Variants in JARID2 observed in about 807,000 individuals in gnomAD.
JARID2 encodes protein Jumonji.
In JARID2, 21 loss-of-function variants were observed where a neutral mutation model predicts 125.6. The observed-to-expected ratio is 0.17, with a 90% CI of 0.12 to 0.24. The LOEUF (loss-of-function observed/expected upper bound fraction) is 0.24. JARID2 is among the 10% of genes least tolerant of loss of function. The pLI, the probability that JARID2 is intolerant of heterozygous loss-of-function variation, is 1.00. For synonymous variants in JARID2, 736 were observed against 661.6 expected (o/e 1.11, Z -1.73); for missense variants, 1,303 against 1,639.6 (o/e 0.79, Z 3.55).
chr6:15,338,146 A>T (rs536067423), intron 1 of JARID2, among the ~76,000 whole-genome samples: 4 of 152,296 alleles, frequency 2.6e-5, no homozygotes, highest in Admixed American at 2.0e-4. Context: ...CTGCAGTGGT[A>T]CCTATGGCTG....
At chr6:15,292,969 G>A (rs1408133664) in intron 1 of JARID2, among the ~76,000 whole-genome samples, 2 of 152,178 alleles carry the variant, frequency 1.3e-5, no homozygotes, top group Non-Finnish European at 2.9e-5. Context: ...ACCATGCCCA[G>A]CCTAAGTTGT....
At chr6:15,400,172 C>T (rs924617598) in intron 2 of JARID2, among the ~76,000 whole-genome samples, 3 of 151,916 alleles carry the variant, frequency 2.0e-5, no homozygotes, top group Non-Finnish European at 2.9e-5. Context: ...TTATGTGCCT[C>T]GGGGAGGGGC....
rs183236794 is a variant in JARID2 at position 15,504,575 on chromosome 6, G to A, written c.2524G>A (p.Ala842Thr). Residue 842 changes from alanine to threonine, a missense_variant, in exon 9 of 18, where the codon GCC (alanine) becomes ACC (threonine). This residue lies in a region of JARID2 where 29 missense variants were observed against 47.7 expected (regional missense o/e 0.61). Coordinates refer to ENST00000341776, the MANE Select transcript of JARID2 (RefSeq NM_004973.4). The stretch of plus-strand genomic sequence containing the variant: ...GAGCATGTGTTTCAGCAAGGAGCCT[G>A]CCCCAGCCGAAATCGAGGTGAGAGA... ...IMSMCFSKEP[A>T]PAEIEQEYWR... 1.1e-5 allele frequency: 18 copies of A among 1,613,716 alleles called. No homozygotes were observed. The Admixed American group carries it at 3.0e-4, about 27-fold the overall frequency.
chr6:15,400,793 C>T lies in JARID2; in HGVS notation c.182-9431C>T, dbSNP rs1007646444. ...CCCTCGGCCCCATTGCTGTTCTGGC[C>T]GTCCTATTGCCGCGCGGAATCTGCA... On this transcript the variant is annotated intron_variant, in intron 2 of 17. Transcript: ENST00000341776. 12 of 985,148 alleles carry T rather than the reference C, an allele frequency of 1.2e-5. No homozygotes were observed. The Admixed American group carries it at 2.5e-4, about 20-fold the overall frequency. The allele number at this position is 985,148 out of a possible 1,614,324, so 61.0% of individuals were successfully genotyped here.
intron 1 of JARID2, among the ~76,000 whole-genome samples, chr6:15,306,070 G>A (rs1434321724): frequency 3.3e-5 from 5 of 152,248 alleles, no homozygotes; most frequent in African/African-American, 1.2e-4. Context: ...ATTTTTAGAA[G>A]CTCTACCAGC....
chr6:15,430,462 A>C (rs1019992435), intron 3 of JARID2, among the ~76,000 whole-genome samples: 4 of 152,232 alleles, frequency 2.6e-5, no homozygotes, highest in African/African-American at 9.6e-5. Context: ...GTGGTTGCCA[A>C]TTATATGTTG....
chr6:15,386,702 T>C (rs1764802321), intron 2 of JARID2, among the ~76,000 whole-genome samples: 1 of 152,248 alleles, frequency 6.6e-6, no homozygotes, highest in Non-Finnish European at 1.5e-5. Flanking sequence ...GTTATGCTTA[T>C]CGATGGGTTT....
rs79923817 is a variant in JARID2, at chr6:15,492,306, C to T, written c.907-3826C>T. Among the ~76,000 whole-genome samples the T allele has an allele frequency of 1.6e-3, 239 of 152,324 alleles. No homozygotes were observed. In the Middle Eastern group the frequency reaches 0.024, roughly 15 times the overall value. ...CAATGGAGGGTCCTGCTGTAGCCCA[C>T]GTCGGCGCTAATTCTTCAGTGAGTT... On this transcript the variant is annotated intron_variant, in intron 6 of 17. Coordinates refer to ENST00000341776, the MANE Select transcript of JARID2 (RefSeq NM_004973.4).
intron 4 of JARID2, among the ~76,000 whole-genome samples, chr6:15,457,459 G>T (rs557091536): frequency 3.9e-5 from 6 of 152,244 alleles, no homozygotes; most frequent in Admixed American, 6.5e-5. Flanking sequence ...CATCACCCTT[G>T]GGTGACAGCG....
At chr6:15,488,375 T>C (rs1303877838) in intron 6 of JARID2, among the ~76,000 whole-genome samples, 1 of 152,242 alleles carries the variant, frequency 6.6e-6, no homozygotes, top group East Asian at 1.9e-4. Context: ...TGATGCCTCG[T>C]GCTCCTGTTC....
chr6:15,277,114 A>T (rs1411913355), intron 1 of JARID2, among the ~76,000 whole-genome samples: 1 of 152,192 alleles, frequency 6.6e-6, no homozygotes, highest in Non-Finnish European at 1.5e-5. Flanking sequence ...GTTAAGTAAC[A>T]TAAGTACATA....
intron 4 of JARID2, among the ~76,000 whole-genome samples, chr6:15,453,165 G>A (rs1581585314): frequency 6.6e-6 from 1 of 152,168 alleles, no homozygotes; most frequent in African/African-American, 2.4e-5. Flanking sequence ...CCCCCATGCA[G>A]TCCTCAAACC....
In JARID2 at chr6:15,519,109, CCACCTGTCGAGCTGCA is replaced by C. The variant is rs1771703873; in HGVS notation, c.3559-958_3559-943del. Among the ~76,000 whole-genome samples the C allele has an allele frequency of 2.0e-5, 3 of 152,146 alleles. No homozygotes were observed. The South Asian group carries it at 6.2e-4, about 32-fold the overall frequency. Reference sequence around the variant, plus strand: ...AGCACTGGTCTGGGGCAGGTGCTGCCCACCTGTCGAGCTGCACGCAGGGGAGGGAACGGTGTCCTCC... The same window carrying C: ...AGCACTGGTCTGGGGCAGGTGCTGCCCGCAGGGGAGGGAACGGTGTCCTCC... On this transcript the variant is annotated intron_variant, in intron 17 of 17. Transcript: ENST00000341776.
intron 3 of JARID2, among the ~76,000 whole-genome samples, chr6:15,444,613 ATT>A (rs35141256): frequency 7.0e-6 from 1 of 143,686 alleles, no homozygotes. Context: ...AACACAGGAA[ATT>A]TTTTTTTTTT....
chr6:15,479,705 C>T (rs1769519753), intron 5 of JARID2, among the ~76,000 whole-genome samples: 1 of 152,186 alleles, frequency 6.6e-6, no homozygotes, highest in Non-Finnish European at 1.5e-5. Flanking sequence ...AGTACAGAGG[C>T]AGCATCCCAG....
chr6:15,438,432 TGTAC>T (rs149807231), intron 3 of JARID2, among the ~76,000 whole-genome samples: 13,212 of 152,216 alleles, frequency 0.087, 734 homozygotes, highest in Middle Eastern at 0.16. Context: ...GTGAGGGAGA[TGTAC>T]GTACGTAGCT....
chr6:15,415,568 G>T (rs1319530515), intron 3 of JARID2, among the ~76,000 whole-genome samples: 1 of 144,538 alleles, frequency 6.9e-6, no homozygotes, highest in African/African-American at 2.6e-5. Context: ...CTCACCTCCC[G>T]GACGGGGCTG....
intron 5 of JARID2, among the ~76,000 whole-genome samples, chr6:15,469,164 G>GA (rs1768895254): frequency 6.6e-6 from 1 of 151,768 alleles, no homozygotes; most frequent in Admixed American, 6.6e-5. Context: ...TAGTGTGGAG[G>GA]AGGAGGATAA....
chr6:15,309,145 T>A (rs1048127384), intron 1 of JARID2, among the ~76,000 whole-genome samples: 10 of 152,234 alleles, frequency 6.6e-5, no homozygotes, highest in Non-Finnish European at 1.5e-4. Flanking sequence ...TTCATTTCTT[T>A]CATTGTGTTC....
Sources: gnomAD v4.1 joint callset for allele counts (sites outside exome capture counted in the v4.1 genomes callset) on GRCh38, gnomAD v4.1.1 for gene constraint, gnomAD v4.1.1 regional missense constraint, MANE v1.5 for transcripts, NCBI Gene and HGNC (gene_info 2026-07-23, HGNC 2026-07-21) for gene names.